IFT80: variants seen among roughly 807,000 people sequenced by gnomAD.
The protein encoded by IFT80 is intraflagellar transport 80, also known as intraflagellar transport protein 80 homolog.
A neutral mutation model predicts 107.9 loss-of-function variants in IFT80; 79 were observed. The ratio of observed to expected loss-of-function variants is 0.73; its 90% CI spans 0.61 to 0.88. The LOEUF is 0.88. Among genes scored for constraint, IFT80 ranks in the 40% least tolerant of loss-of-function variants. The pLI is 0.00. For missense variants in IFT80, 797 were observed against 914.2 expected, an observed-to-expected ratio of 0.87 and a Z score of 1.65; for synonymous variants, 299 against 300.9, an observed-to-expected ratio of 0.99 and a Z score of 0.07.
intron 5 of IFT80, among the ~76,000 whole-genome samples, chr3:160,374,194 C>T (rs1711797958): frequency 6.6e-6 from 1 of 151,828 alleles, no homozygotes; most frequent in South Asian, 2.1e-4. Flanking sequence ...ACCTGCAATC[C>T]CAACACTTTG....
chr3:160,361,134 T>C (rs1232969320), intron 6 of IFT80, among the ~76,000 whole-genome samples: 5 of 152,026 alleles, frequency 3.3e-5, no homozygotes, highest in Non-Finnish European at 7.4e-5. Context: ...AGGAGAACCA[T>C]CTCACATGCA....
chr3:160,268,749 T>C (rs1190217384), intron 18 of IFT80: 5 of 528,384 alleles, frequency 9.5e-6, no homozygotes, highest in Admixed American at 6.5e-5. Context: ...CCAGCTCTTC[T>C]TGTAGAAATA....
At chr3:160,338,514 C>G (rs1421145449) in intron 8 of IFT80, among the ~76,000 whole-genome samples, 1 of 152,084 alleles carries the variant, frequency 6.6e-6, no homozygotes, top group Admixed American at 6.6e-5. Flanking sequence ...TGCCTGTATT[C>G]CCAGCTACTC....
chr3:160,308,285 G>C (rs534371650), intron 9 of IFT80, among the ~76,000 whole-genome samples: 1 of 152,240 alleles, frequency 6.6e-6, no homozygotes, highest in Admixed American at 6.5e-5. Context: ...AAGAAGCCAA[G>C]CTGCAGGGAG....
chr3:160,358,327 T>C (rs1004786274), intron 6 of IFT80, among the ~76,000 whole-genome samples: 1 of 151,422 alleles, frequency 6.6e-6, no homozygotes, highest in South Asian at 2.1e-4. Flanking sequence ...TCAACCATTT[T>C]TTTTTTAAAC....
intron 12 of IFT80, among the ~76,000 whole-genome samples, chr3:160,295,496 T>C (rs1219113285): frequency 6.6e-6 from 1 of 151,962 alleles, no homozygotes; most frequent in Admixed American, 6.6e-5. Context: ...GTAGCCCAGA[T>C]ACTTGGAGGC....
chr3:160,319,730 G>A, intron 9 of IFT80, 30 bp downstream of exon 9: 1 of 1,571,294 alleles, frequency 6.4e-7, no homozygotes, highest in Admixed American at 1.7e-5. Context: ...AAAAGAAGCA[G>A]GTTTAATCAA....
intron 1 of IFT80, among the ~76,000 whole-genome samples, chr3:160,390,056 G>A (rs1177086775): frequency 6.6e-6 from 1 of 152,178 alleles, no homozygotes; most frequent in East Asian, 1.9e-4. Flanking sequence ...ACAGTAACGA[G>A]AGATAAAACT....
chr3:160,277,217 T>C (rs1239841170), intron 18 of IFT80, 89 bp downstream of exon 18: 3 of 1,098,786 alleles, frequency 2.7e-6, no homozygotes, highest in Non-Finnish European at 4.2e-6. Flanking sequence ...AACTAAAATA[T>C]AGTGGAAAAT....
chr3:160,276,688 T>C (rs890298752), intron 18 of IFT80, among the ~76,000 whole-genome samples: 1 of 152,230 alleles, frequency 6.6e-6, no homozygotes, highest in Non-Finnish European at 1.5e-5. Flanking sequence ...GGCTGTTGAT[T>C]GCTGTTGACC....
intron 8 of IFT80, chr3:160,342,844 A>G (rs1720015432): frequency 6.6e-6 from 1 of 152,424 alleles, no homozygotes; most frequent in African/African-American, 2.4e-5. Flanking sequence ...TATAAAACAA[A>G]GAACAACATA....
intron 8 of IFT80, among the ~76,000 whole-genome samples, chr3:160,325,985 T>A (rs1347148186): frequency 1.3e-5 from 2 of 152,080 alleles, no homozygotes; most frequent in South Asian, 2.1e-4. Context: ...ACATTAAAAA[T>A]TTTTAAATTT....
At chr3:160,290,727 A>AT (rs950794573) in intron 12 of IFT80, among the ~76,000 whole-genome samples, 3 of 151,834 alleles carry the variant, frequency 2.0e-5, no homozygotes, top group Non-Finnish European at 1.5e-5. Context: ...ATGCCAGCTA[A>AT]TTTTTTTGTA....
chr3:160,262,433 C>T (rs536043551), intron 19 of IFT80, among the ~76,000 whole-genome samples: 11 of 152,166 alleles, frequency 7.2e-5, no homozygotes, highest in African/African-American at 1.9e-4. Flanking sequence ...CATGGCTCAC[C>T]GCAGCCTCAA....
chr3:160,350,304 T>C (rs963193576), intron 8 of IFT80, among the ~76,000 whole-genome samples: 11 of 151,056 alleles, frequency 7.3e-5, no homozygotes, highest in African/African-American at 2.7e-4. Flanking sequence ...TAGTCTCAGC[T>C]ACTTGGGAGG....
chr3:160,283,306 T>A (rs1714834640), intron 13 of IFT80, among the ~76,000 whole-genome samples: 1 of 152,242 alleles, frequency 6.6e-6, no homozygotes, highest in Non-Finnish European at 1.5e-5. Flanking sequence ...AGATTCATTT[T>A]AATTCAAACC....
chr3:160,267,273 C>T (rs1713413377), intron 19 of IFT80, among the ~76,000 whole-genome samples: 1 of 152,014 alleles, frequency 6.6e-6, no homozygotes, highest in Non-Finnish European at 1.5e-5. Context: ...ATTGTGGGTG[C>T]CTTCTCTCTA....
At chr3:160,377,889 A>G (rs1453692898) in intron 3 of IFT80, 1 of 161,278 alleles carries the variant, frequency 6.2e-6, no homozygotes, top group East Asian at 1.8e-4. Context: ...AATATACCAC[A>G]CCTATGGATG....
In IFT80 at chr3:160,274,022, T is replaced by C. The variant is rs77913052; in HGVS notation, c.2099+3284A>G. Among the ~76,000 whole-genome samples the C allele has an allele frequency of 5.9e-3, 898 of 152,242 alleles. 15 individuals are homozygous for C. Among genetic ancestry groups the C allele is most frequent in the African/African-American group, 0.02 (819 of 41,536 alleles). ...TTCCCTCTCCCTGAGATCTAATGAT[T>C]TCAAGAGAAGGTCCCTTACTGAGAA... On this transcript the variant is annotated intron_variant, in intron 18 of 19. Coordinates refer to ENST00000326448, the MANE Select transcript of IFT80 (RefSeq NM_020800.3).
Sources: gnomAD v4.1 joint callset for allele counts (sites outside exome capture counted in the v4.1 genomes callset) on GRCh38, gnomAD v4.1.1 for gene constraint, MANE v1.5 for transcripts, NCBI Gene and HGNC (gene_info 2026-07-23, HGNC 2026-07-21) for gene names.